The following QPCTL variants were observed in gnomAD, a reference collection of about 807,000 sequenced individuals.
The protein encoded by QPCTL is glutaminyl-peptide cyclotransferase like, also known as glutaminyl-peptide cyclotransferase-like protein.
QPCTL carries 31 observed loss-of-function variants against 34.6 expected under a neutral mutation model. The observed-to-expected ratio is 0.90, with a 90% CI of 0.67 to 1.21. The LOEUF is 1.21. Among genes scored for constraint, QPCTL ranks in the 50% most tolerant of loss-of-function variants. QPCTL has a pLI of 0.00. For synonymous variants in QPCTL, 223 were observed against 226.9 expected (o/e 0.98, Z 0.15); for missense variants, 474 against 507.8 (o/e 0.93, Z 0.64).
At chr19:45,694,758 C>G (rs1418471347) in intron 2 of QPCTL, among the ~76,000 whole-genome samples, 1 of 152,022 alleles carries the variant, frequency 6.6e-6, no homozygotes, top group African/African-American at 2.4e-5. Context: ...CGTGAGCCAC[C>G]GCGCCCGGCC....
At chr19:45,700,698 T>C (rs34505371) in intron 5 of QPCTL, among the ~76,000 whole-genome samples, 6,211 of 151,852 alleles carry the variant, frequency 0.041, 214 homozygotes, top group Middle Eastern at 0.1. Context: ...TGGTGGCTCA[T>C]GCCTGTAATC....
intron 3 of QPCTL, among the ~76,000 whole-genome samples, chr19:45,696,063 T>A (rs1420033281): frequency 6.6e-6 from 1 of 151,936 alleles, no homozygotes; most frequent in African/African-American, 2.4e-5. Context: ...CTTCTAGATG[T>A]CAGATTCTCT....
At chr19:45,701,374 C>G (rs1967808589) in intron 5 of QPCTL, among the ~76,000 whole-genome samples, 1 of 151,864 alleles carries the variant, frequency 6.6e-6, no homozygotes, top group Non-Finnish European at 1.5e-5. Flanking sequence ...CTCCCAGGTT[C>G]AAGCAATTCT....
rs763819321 is a variant in QPCTL, at chr19:45,702,913, T to TG, written c.1014dup (p.Leu339AlafsTer40). On this transcript the variant is annotated frameshift_variant, in exon 7 of 7. Transcript: ENST00000012049. LOFTEE classifies it high-confidence loss of function. The stretch of plus-strand genomic sequence containing the variant: ...TCCTCTGTCACTTCAGGGGTACCCG[T>TG]GCTCCATCTCATCTCCACGCCCTTC... 6.2e-7 allele frequency: 1 copy of TG among 1,614,144 alleles called. No homozygotes were observed. The highest frequency in any genetic ancestry group is 1.3e-5 in the African/African-American group (1 of 75,048).
chr19:45,698,897 A>G lies in QPCTL; in HGVS notation c.883A>G (p.Ile295Val). ...CCGCTGGTTCCATCGGCTGAGGAGCATTGGTAAGGGTGAATGCGGAGGTGG... is the reference window on the plus strand; with the variant it reads ...CCGCTGGTTCCATCGGCTGAGGAGCGTTGGTAAGGGTGAATGCGGAGGTGG... Reference protein sequence around the residue: ...TVRWFHRLRSIEKRLHRLNLL... With the variant: ...TVRWFHRLRSVEKRLHRLNLL... The change falls in exon 5 of 7, where the codon ATT (isoleucine) becomes GTT (valine). Residue 295 changes from isoleucine to valine, a missense_variant. Coordinates refer to ENST00000012049, the MANE Select transcript of QPCTL (RefSeq NM_017659.4). 2 of 1,613,410 alleles carry G rather than the reference A, an allele frequency of 1.2e-6. No homozygotes were observed. The highest frequency in any genetic ancestry group is 1.7e-6 in the Non-Finnish European group (2 of 1,179,502).
rs1375580137 is a variant in QPCTL, at chr19:45,693,033, C to T, written c.207+123C>T. 3 of 1,037,194 alleles carry T rather than the reference C, an allele frequency of 2.9e-6. No homozygotes were observed. The Admixed American group carries it at 8.4e-5, about 29-fold the overall frequency. 64.2% of individuals were successfully genotyped at this position (1,037,194 alleles called of 1,614,324 possible). On this transcript the variant is annotated intron_variant, in intron 1 of 6. Transcript: ENST00000012049. The stretch of plus-strand genomic sequence containing the variant: ...GATGCCACCGTCTTCGTCATCTGAG[C>T]GCATGACCCTTACCAAAGGAATAAG...
chr19:45,696,321 C>T (rs1006097258), intron 3 of QPCTL, among the ~76,000 whole-genome samples: 3 of 152,002 alleles, frequency 2.0e-5, no homozygotes, highest in African/African-American at 7.2e-5. Flanking sequence ...GGCCAGGCTC[C>T]GTGGCTCACA....
At chr19:45,698,928 A>C (rs369179961) in intron 5 of QPCTL, 28 bp downstream of exon 5, 8 of 1,590,170 alleles carry the variant, frequency 5.0e-6, no homozygotes, top group Non-Finnish European at 6.9e-6. Context: ...GGTGGGCCCC[A>C]GCCCACCTGG....
chr19:45,698,532 C>T lies in QPCTL; in HGVS notation c.634-15C>T. The T allele has an allele frequency of 6.2e-7, 1 of 1,613,572 alleles. No homozygotes were observed. Among genetic ancestry groups the T allele is most frequent in the Non-Finnish European group, 8.5e-7 (1 of 1,179,878 alleles). ...TCCTGAGCTGGCTCTGGCCACCCCC[C>T]TGCTGCTCCCACAGGCAGCCCCGGT... On this transcript the variant is annotated splice_polypyrimidine_tract_variant and intron_variant, in intron 3 of 6. Transcript: ENST00000012049.
chr19:45,697,351 G>A (rs575469984), intron 3 of QPCTL, among the ~76,000 whole-genome samples: 10 of 150,534 alleles, frequency 6.6e-5, no homozygotes, highest in East Asian at 2.0e-4. Flanking sequence ...GCGTGAACTC[G>A]GGAGGCAGAG....
In QPCTL at chr19:45,700,279, T is replaced by A. The variant is rs543230882; in HGVS notation, c.886+1379T>A. On this transcript the variant is annotated intron_variant, in intron 5 of 6. Transcript: ENST00000012049. ...GGCGAATATGGTAAAACCCTATCTC[T>A]ACTAAAAATACAAAAATTAGCTGGG... Among the ~76,000 whole-genome samples the A allele has an allele frequency of 3.3e-5, 5 of 151,950 alleles. No homozygotes were observed. In the East Asian group the frequency reaches 9.7e-4, roughly 30 times the overall value.
rs1967835174 is a variant in QPCTL at position 45,702,846 on chromosome 19, G to A, written c.1004-58G>A. The A allele has an allele frequency of 1.1e-5, 17 of 1,608,096 alleles. No homozygotes were observed. The South Asian group carries it at 1.8e-4, about 17-fold the overall frequency. On this transcript the variant is annotated intron_variant, in intron 6 of 6. Transcript: ENST00000012049. ...CAAGGTTACCTAGAGGTTGGGCTTG[G>A]GCTCCTGGGTTGTGGTGGGCTGCAG...
At chr19:45,701,113 C>T (rs1368342878) in intron 5 of QPCTL, among the ~76,000 whole-genome samples, 5 of 106,094 alleles carry the variant, frequency 4.7e-5, no homozygotes, top group South Asian at 3.2e-4. Context: ...TACACACACG[C>T]GCACACACAC....
At position 45,698,898 on chromosome 19, in the gene QPCTL, T is replaced by A. The variant is rs531435208; in HGVS notation, c.884T>A (p.Ile295Asn). ...TVRWFHRLRS[I>N]EKRLHRLNLL... ...CGCTGGTTCCATCGGCTGAGGAGCATTGGTAAGGGTGAATGCGGAGGTGGG... is the reference window on the plus strand; with the variant it reads ...CGCTGGTTCCATCGGCTGAGGAGCAATGGTAAGGGTGAATGCGGAGGTGGG... The change falls in exon 5 of 7, where the codon ATT (isoleucine) becomes AAT (asparagine). Residue 295 changes from isoleucine to asparagine, a missense_variant and splice_region_variant. Physicochemically the swap from Ile to Asn is moderately radical, Grantham distance 149. Coordinates refer to ENST00000012049, the MANE Select transcript of QPCTL (RefSeq NM_017659.4). 1.2e-6 allele frequency: 2 copies of A among 1,613,002 alleles called. No individual in the cohort carries two copies. The highest frequency in any genetic ancestry group is 2.7e-5 in the African/African-American group (2 of 74,814).
intron 6 of QPCTL, among the ~76,000 whole-genome samples, chr19:45,702,254 G>C (rs1967825730): frequency 6.6e-6 from 1 of 151,810 alleles, no homozygotes; most frequent in Admixed American, 6.6e-5. Flanking sequence ...GAGCCCAGGA[G>C]TTTGAAACCA....
rs1353253126 is a variant in QPCTL at position 45,703,071 on chromosome 19, G to T, written c.*22G>T. 2 of 1,614,014 alleles carry T rather than the reference G, an allele frequency of 1.2e-6. No homozygotes were observed. The highest frequency in any genetic ancestry group is 1.7e-5 in the Admixed American group (1 of 60,008). On this transcript the variant is annotated 3_prime_UTR_variant, in exon 7 of 7. Transcript: ENST00000012049. ...CTAGCGTGCTTGGCCAATGACTGTG[G>T]AGAGGACTGTGAGAGAGAAGGTCCC... is the stretch of plus-strand genomic sequence containing the variant.
chr19:45,696,908 A>G (rs1233454749), intron 3 of QPCTL, among the ~76,000 whole-genome samples: 1 of 149,278 alleles, frequency 6.7e-6, no homozygotes, highest in African/African-American at 2.5e-5. Flanking sequence ...AGATCATTTG[A>G]GGTCAGAAGT....
rs2146135072 is a variant in QPCTL, at chr19:45,703,810, G to A, written c.*761G>A. On this transcript the variant is annotated 3_prime_UTR_variant, in exon 7 of 7. Coordinates refer to ENST00000012049, the MANE Select transcript of QPCTL (RefSeq NM_017659.4). ...TCTACTAAAAATACAATAATTAGCT[G>A]GGCATGGTGGTGGGCGCCTGTAATC... 6.6e-6 allele frequency: 1 copy of A among 152,046 alleles called. No homozygotes were observed. The highest frequency in any genetic ancestry group is 2.0e-4 in the East Asian group (1 of 5,096). 9.4% of individuals were successfully genotyped at this position (152,046 alleles called of 1,614,324 possible).
intron 3 of QPCTL, 130 bp downstream of exon 3, chr19:45,695,848 C>T: frequency 3.5e-6 from 3 of 856,640 alleles, no homozygotes; most frequent in Non-Finnish European, 5.0e-6. Flanking sequence ...CCACAGGGAT[C>T]TTTTTTTTTT....
Sources: gnomAD v4.1 joint callset for allele counts (sites outside exome capture counted in the v4.1 genomes callset) on GRCh38, gnomAD v4.1.1 for gene constraint, MANE v1.5 for transcripts, NCBI Gene and HGNC (gene_info 2026-07-23, HGNC 2026-07-21) for gene names.